Variants in AIM2 observed in about 807,000 individuals in gnomAD.
AIM2 encodes the protein interferon-inducible protein AIM2.
Under a neutral mutation model 27.7 loss-of-function variants are expected in AIM2, and 30 were observed. That is an observed-to-expected ratio of 1.08 (90% CI 0.81 to 1.47). The LOEUF (loss-of-function observed/expected upper bound fraction) is 1.47. AIM2 is among the 40% of genes most tolerant of loss of function. The pLI is 0.00. For missense variants in AIM2, 358 were observed against 411.3 expected, an observed-to-expected ratio of 0.87 and a Z score of 1.12; for synonymous variants, 141 against 145.3, an observed-to-expected ratio of 0.97 and a Z score of 0.21.
chr1:159,106,236 C>T (rs376964393), intron 1 of AIM2, among the ~76,000 whole-genome samples: 18 of 152,264 alleles, frequency 1.2e-4, no homozygotes, highest in Admixed American at 6.5e-4. Flanking sequence ...TCTCCCACTC[C>T]ACCAACTCAG....
At chr1:159,069,286 G>A (rs1412820529) in intron 2 of AIM2, among the ~76,000 whole-genome samples, 1 of 152,032 alleles carries the variant, frequency 6.6e-6, no homozygotes, top group African/African-American at 2.4e-5. Context: ...CCATTCACAG[G>A]TGTACAGTCA....
intron 1 of AIM2, among the ~76,000 whole-genome samples, chr1:159,089,206 A>G (rs184041797): frequency 9.3e-4 from 142 of 152,322 alleles, no homozygotes; most frequent in Non-Finnish European, 1.3e-3. Flanking sequence ...TTTCAATTTA[A>G]TATTCCTAAC....
At chr1:159,140,247 C>T (rs947199373) in intron 1 of AIM2, among the ~76,000 whole-genome samples, 3 of 152,270 alleles carry the variant, frequency 2.0e-5, no homozygotes, top group East Asian at 1.9e-4. Context: ...TGGCCTTCCA[C>T]CAAGGTAACC....
chr1:159,119,575 A>G (rs777696531), intron 1 of AIM2, among the ~76,000 whole-genome samples: 65 of 152,164 alleles, frequency 4.3e-4, no homozygotes, highest in South Asian at 8.3e-4. Flanking sequence ...GAGATCTTAA[A>G]ATCACTGTAA....
intron 1 of AIM2, among the ~76,000 whole-genome samples, chr1:159,106,861 T>C (rs1328537745): frequency 6.6e-6 from 1 of 152,188 alleles, no homozygotes; most frequent in Non-Finnish European, 1.5e-5. Context: ...ATAGAGATAA[T>C]AGGAAGTGCT....
chr1:159,105,517 C>T (rs1010149726), intron 1 of AIM2, among the ~76,000 whole-genome samples: 1 of 152,162 alleles, frequency 6.6e-6, no homozygotes, highest in Non-Finnish European at 1.5e-5. Flanking sequence ...AAGTGGACAA[C>T]TGGAGGGTGA....
intron 1 of AIM2, among the ~76,000 whole-genome samples, chr1:159,113,783 T>G (rs774056871): frequency 1.2e-3 from 184 of 152,302 alleles, no homozygotes; most frequent in Non-Finnish European, 2.2e-3. Context: ...TGTATTTTGA[T>G]AGGGTAAGAA....
At chr1:159,079,081 C>A (rs1656712057), upstream of AIM2, among the ~76,000 whole-genome samples, 1 of 151,258 alleles carries the variant, frequency 6.6e-6, no homozygotes, top group African/African-American at 2.4e-5. Flanking sequence ...AGAAAAGCCT[C>A]CAACTTAAAA....
At chr1:159,064,241 T>C (rs552442421) in intron 4 of AIM2, among the ~76,000 whole-genome samples, 1 of 152,116 alleles carries the variant, frequency 6.6e-6, no homozygotes, top group South Asian at 2.1e-4. Context: ...ATATATCTAA[T>C]AGATGTTAGC....
intron 2 of AIM2, among the ~76,000 whole-genome samples, chr1:159,070,875 A>G (rs1320979377): frequency 6.6e-6 from 1 of 152,206 alleles, no homozygotes; most frequent in African/African-American, 2.4e-5. Flanking sequence ...CGGAGAGAAA[A>G]CAGCATCAAG....
chr1:159,117,100 G>T (rs144957668), intron 1 of AIM2, among the ~76,000 whole-genome samples: 67 of 152,316 alleles, frequency 4.4e-4, no homozygotes, highest in African/African-American at 1.6e-3. Context: ...TGTATGGACT[G>T]TAGTTAGCAG....
At chr1:159,145,334 T>C (rs914660175), upstream of AIM2, among the ~76,000 whole-genome samples, 3 of 152,190 alleles carry the variant, frequency 2.0e-5, no homozygotes, top group African/African-American at 7.2e-5. Context: ...TCCATGCCTA[T>C]TATGCATTTT....
chr1:159,057,562 G>A (rs1655704245), downstream of AIM2, among the ~76,000 whole-genome samples: 1 of 152,152 alleles, frequency 6.6e-6, no homozygotes, highest in African/African-American at 2.4e-5. Flanking sequence ...TTATTGCTCA[G>A]AACTAGGATG....
chr1:159,066,332 GAAGAC>G lies in AIM2; in HGVS notation c.397-8_397-4del, dbSNP rs751234406. 3 of 1,600,392 alleles carry G rather than the reference GAAGAC, an allele frequency of 1.9e-6. No individual in the cohort carries two copies. The highest frequency in any genetic ancestry group is 2.6e-6 in the Non-Finnish European group (3 of 1,174,670). ...GCCACCATCTGTTTCTGTTCAGGCT[GAAGAC>G]AAGAGAAGAAAGATATCAGCTGTGA... On this transcript the variant is annotated splice_region_variant and splice_polypyrimidine_tract_variant and intron_variant, in intron 3 of 5. Coordinates refer to ENST00000368130, the MANE Select transcript of AIM2 (RefSeq NM_004833.3).
At chr1:159,120,510 C>G (rs1647508934) in intron 1 of AIM2, among the ~76,000 whole-genome samples, 1 of 152,148 alleles carries the variant, frequency 6.6e-6, no homozygotes, top group African/African-American at 2.4e-5. Flanking sequence ...CGTCTCGTGC[C>G]ACAGAGCTGG....
chr1:159,068,767 T>C (rs752344912), intron 2 of AIM2, 66 bp from the exon 3 acceptor site: 24 of 1,481,056 alleles, frequency 1.6e-5, no homozygotes, highest in Non-Finnish European at 2.1e-5. Flanking sequence ...CATTTTCAAA[T>C]GTCACCAGGA....
intron 1 of AIM2, among the ~76,000 whole-genome samples, chr1:159,108,649 A>C (rs1319789538): frequency 6.6e-6 from 1 of 151,982 alleles, no homozygotes; most frequent in Non-Finnish European, 1.5e-5. Context: ...AACCCTAAAG[A>C]CTCCTCCAGA....
chr1:159,123,734 C>T (rs1178603570), intron 1 of AIM2, among the ~76,000 whole-genome samples: 2 of 152,244 alleles, frequency 1.3e-5, no homozygotes, highest in Non-Finnish European at 2.9e-5. Flanking sequence ...GGGTGTTTCA[C>T]ACTTTCCATT....
At chr1:159,134,674 A>G (rs1336017263) in intron 1 of AIM2, among the ~76,000 whole-genome samples, 1 of 152,196 alleles carries the variant, frequency 6.6e-6, no homozygotes, top group African/African-American at 2.4e-5. Flanking sequence ...TCTACTAAAA[A>G]TACAAAAATT....
Sources: allele counts gnomAD v4.1 joint callset (sites outside exome capture counted in the v4.1 genomes callset), GRCh38; gene constraint gnomAD v4.1.1; transcripts MANE v1.5; gene names NCBI Gene and HGNC (gene_info 2026-07-23, HGNC 2026-07-21).